The following EPCAM variants were observed in gnomAD, a reference collection of about 807,000 sequenced individuals.
EPCAM encodes epithelial cell adhesion molecule, also known as adenocarcinoma-associated antigen.
EPCAM carries 39 observed loss-of-function variants against 40.0 expected under a neutral mutation model. That is an observed-to-expected ratio of 0.98 (90% CI 0.76 to 1.27). The LOEUF (loss-of-function observed/expected upper bound fraction) is 1.27, where lower values mean the gene tolerates loss of function less well. Among genes scored for constraint, EPCAM ranks in the 50% most tolerant of loss-of-function variants. The pLI is 0.00. For synonymous variants in EPCAM, 168 were observed against 132.3 expected, an observed-to-expected ratio of 1.27 and a Z score of -1.85; for missense variants, 503 against 381.2, an observed-to-expected ratio of 1.32 and a Z score of -2.66.
rs1270650694 is a variant in EPCAM at position 47,374,030 on chromosome 2, C to G, written c.407C>G (p.Ser136Cys). Residue 136 changes from serine (S) to cysteine (C), a missense_variant, in exon 3 of 9, where the codon TCT becomes TGT. By Grantham distance (112) the Ser-to-Cys change is moderately radical. Coordinates refer to ENST00000263735, the MANE Select transcript of EPCAM (RefSeq NM_002354.3). ...GACAAGGACACTGAAATAACCTGCTCTGAGCGAGTGAGAACCTAGTGAGTG... is the reference window on the plus strand; with the variant it reads ...GACAAGGACACTGAAATAACCTGCTGTGAGCGAGTGAGAACCTAGTGAGTG... The part of the protein sequence containing the change: ...RTDKDTEITC[S>C]ERVRTYWIII... 15 of 1,614,192 alleles carry G rather than the reference C, an allele frequency of 9.3e-6. No homozygotes were observed. Among genetic ancestry groups the G allele is most frequent in the Non-Finnish European group, 1.2e-5 (14 of 1,180,038 alleles).
chr2:47,373,664 A>T (rs2103746391), intron 2 of EPCAM, 94 bp downstream of exon 2: 1 of 1,445,256 alleles, frequency 6.9e-7, no homozygotes, highest in South Asian at 1.2e-5. Context: ...TTATTGGCTT[A>T]AATCTGAATC....
At chr2:47,374,996 A>G (rs933489019) in intron 3 of EPCAM, among the ~76,000 whole-genome samples, 21 of 152,138 alleles carry the variant, frequency 1.4e-4, no homozygotes, top group African/African-American at 4.8e-4. Context: ...CTAAACTTTG[A>G]CTTAATGTGA....
At chr2:47,372,083 A>G (rs899427894) in intron 1 of EPCAM, among the ~76,000 whole-genome samples, 1 of 152,338 alleles carries the variant, frequency 6.6e-6, no homozygotes, top group Middle Eastern at 3.4e-3. Context: ...ACTGACATCA[A>G]TAATACAGAA....
chr2:47,375,596 A>G (rs1272877259), intron 4 of EPCAM, among the ~76,000 whole-genome samples: 1 of 152,160 alleles, frequency 6.6e-6, no homozygotes. Flanking sequence ...ACATGAGAGC[A>G]AGTTGTAGAC....
chr2:47,383,747 G>A (rs1179996361), intron 7 of EPCAM, among the ~76,000 whole-genome samples: 14 of 142,176 alleles, frequency 9.8e-5, no homozygotes, highest in African/African-American at 3.7e-4. Flanking sequence ...CCATTTTCTT[G>A]CCTCAGCTTC....
chr2:47,378,815 C>T (rs553667379), intron 5 of EPCAM, 138 bp from the exon 6 acceptor site: 4 of 604,404 alleles, frequency 6.6e-6, no homozygotes, highest in East Asian at 2.8e-5. Flanking sequence ...ACTTAGTTAT[C>T]CACTAATGGA....
rs368516172 is a variant in EPCAM at position 47,371,684 on chromosome 2, T to G, written c.77-1779T>G. Among the ~76,000 whole-genome samples, 3 of 152,330 alleles carry G rather than the reference T, an allele frequency of 2.0e-5. No individual in the cohort carries two copies. In the East Asian group the frequency reaches 5.8e-4, roughly 29 times the overall value. On this transcript the variant is annotated intron_variant, in intron 1 of 8. Transcript: ENST00000263735. The stretch of plus-strand genomic sequence containing the variant: ...GCACCTGACTGGTCTGATTTAAATT[T>G]TACGCCCCTTAGGTATGAACAGTGT...
At chr2:47,373,205 T>TAAAAAAAAA (rs777057814) in intron 1 of EPCAM, among the ~76,000 whole-genome samples, 8 of 65,048 alleles carry the variant, frequency 1.2e-4, no homozygotes, top group Non-Finnish European at 2.2e-4. Flanking sequence ...ACCCTATCTT[T>TAAAAAAAAA]AAAAAAAAAA....
In EPCAM at chr2:47,379,711, T is replaced by C. The variant is rs563702338; in HGVS notation, c.658-58T>C. The C allele has an allele frequency of 1.0e-4, 166 of 1,586,816 alleles. 3 individuals are homozygous for C. The South Asian group carries it at 1.5e-3, about 14-fold the overall frequency. ...GGCATACAATTTGTATGTAATTATA[T>C]GTGGCCATGGTTGGTTTCCTTAAAT... On this transcript the variant is annotated intron_variant, in intron 6 of 8. Transcript: ENST00000263735.
chr2:47,376,680 T>A (rs1334785869), intron 4 of EPCAM, among the ~76,000 whole-genome samples: 2 of 152,218 alleles, frequency 1.3e-5, no homozygotes, highest in African/African-American at 4.8e-5. Context: ...CTTGTCCCTT[T>A]ACTAGTAAAG....
In EPCAM at chr2:47,379,968, T is replaced by C. The variant is rs771029207; in HGVS notation, c.857T>C (p.Leu286Pro). Residue 286 changes from leucine to proline, a missense_variant and splice_region_variant, in exon 7 of 9, where the codon CTG becomes CCG. Leu to Pro is a moderately conservative substitution (Grantham distance 98). Coordinates refer to ENST00000263735, the MANE Select transcript of EPCAM (RefSeq NM_002354.3). Reference protein sequence around the residue: ...VIAVVAGIVVLVISRKKRMAK... With the variant: ...VIAVVAGIVVPVISRKKRMAK... ...GCAGTTGTTGCTGGAATTGTTGTGC[T>C]GGTGAGTACAGAACAAGTAAAATTT... 1 of 1,610,652 alleles carries C rather than the reference T, an allele frequency of 6.2e-7. No individual in the cohort carries two copies. The highest frequency in any genetic ancestry group is 1.1e-5 in the South Asian group (1 of 90,738).
At chr2:47,369,607 G>A (rs370806451) in intron 1 of EPCAM, 26 bp downstream of exon 1, 57 of 1,576,868 alleles carry the variant, frequency 3.6e-5, no homozygotes, top group Non-Finnish European at 4.8e-5. Flanking sequence ...GAGCAGAGTT[G>A]TGGAGCTGGG....
rs1671157213 is a variant in EPCAM, at chr2:47,369,467, G to A, written c.-39G>A. On this transcript the variant is annotated 5_prime_UTR_variant, in exon 1 of 9. Coordinates refer to ENST00000263735, the MANE Select transcript of EPCAM (RefSeq NM_002354.3). Reference sequence around the variant, plus strand: ...CGGCGCACGCCCTCCCGCGAGTCCCGGGCCCCTCCCGCGCCCCTCTTCTCG... The same window carrying A: ...CGGCGCACGCCCTCCCGCGAGTCCCAGGCCCCTCCCGCGCCCCTCTTCTCG... 2.1e-6 allele frequency: 3 copies of A among 1,450,048 alleles called. No homozygotes were observed. The highest frequency in any genetic ancestry group is 2.0e-5 in the African/African-American group (1 of 50,524). The allele number at this position is 1,450,048 out of a possible 1,614,324, so 89.8% of individuals were successfully genotyped here. A position where few individuals can be genotyped will look rare whatever the true frequency, so the allele number is the denominator to read the frequency against.
chr2:47,373,464 AT>A lies in EPCAM; in HGVS notation c.79del (p.Cys27ValfsTer10). On this transcript the variant is annotated frameshift_variant and splice_region_variant, in exon 2 of 9. Transcript: ENST00000263735. LOFTEE classifies it high-confidence loss of function. Reference protein sequence around the residue: ...TATFAAAQEECVCENYKLAVN... With the variant: ...TATFAAAQEEXVCENYKLAVN... The stretch of plus-strand genomic sequence containing the variant: ...TAGATTTTTTTTTTAATTTTCTAGA[AT>A]GTGTCTGTGAAAACTACAAGCTGGC... The A allele has an allele frequency of 6.2e-7, 1 of 1,601,196 alleles. No individual in the cohort carries two copies. The highest frequency in any genetic ancestry group is 8.6e-7 in the Non-Finnish European group (1 of 1,169,116).
chr2:47,376,521 A>G (rs11695550), intron 4 of EPCAM, among the ~76,000 whole-genome samples: 32,902 of 152,056 alleles, frequency 0.22, 4,004 homozygotes, highest in East Asian at 0.41. Flanking sequence ...CAGCATCCCA[A>G]AGTGCTGGGA....
At position 47,385,131 on chromosome 2, in the gene EPCAM, A is replaced by C. The variant is rs550609947; in HGVS notation, c.859-35A>C. The C allele has an allele frequency of 6.5e-6, 10 of 1,527,222 alleles. No individual in the cohort carries two copies. In the African/African-American group the frequency reaches 1.4e-4, roughly 21 times the overall value. The allele number at this position is 1,527,222 out of a possible 1,614,324, so 94.6% of individuals were successfully genotyped here. ...TTTAGATAATCTTTTTTTGAATAGC[A>C]GTCCTAAAACAATAGTTGTCTTTCT... On this transcript the variant is annotated intron_variant, in intron 7 of 8. Transcript: ENST00000263735.
rs751301363 is a variant in EPCAM, at chr2:47,373,438, G to A, written c.77-25G>A. On this transcript the variant is annotated intron_variant, in intron 1 of 8. Coordinates refer to ENST00000263735, the MANE Select transcript of EPCAM (RefSeq NM_002354.3). ...AGAGTTAATAGATCCACATTTTAAA[G>A]TAGATTTTTTTTTTAATTTTCTAGA... 1.5e-5 allele frequency: 21 copies of A among 1,445,768 alleles called. No individual in the cohort carries two copies. The African/African-American group carries it at 2.7e-4, about 18-fold the overall frequency. 89.6% of individuals were successfully genotyped at this position (1,445,768 alleles called of 1,614,324 possible). A position where few individuals can be genotyped will look rare whatever the true frequency, so the allele number is the denominator to read the frequency against.
chr2:47,373,904 T>A lies in EPCAM; in HGVS notation c.281T>A (p.Leu94His), dbSNP rs1558435248. Residue 94 changes from leucine to histidine, a missense_variant, in exon 3 of 9, where the codon CTT becomes CAT. Transcript: ENST00000263735. ...GGGGCCCTCCAGAACAATGATGGGC[T>A]TTATGATCCTGACTGCGATGAGAGC... ...PEGALQNNDG[L>H]YDPDCDESGL... 6.2e-7 allele frequency: 1 copy of A among 1,614,140 alleles called. No individual in the cohort carries two copies. The highest frequency in any genetic ancestry group is 8.5e-7 in the Non-Finnish European group (1 of 1,180,028).
chr2:47,384,020 A>G (rs1011431162), intron 7 of EPCAM, among the ~76,000 whole-genome samples: 9 of 150,820 alleles, frequency 6.0e-5, no homozygotes, highest in African/African-American at 2.2e-4. Context: ...TGGATCCAGC[A>G]TTGTTTTTGA....
Sources: gnomAD v4.1 joint callset for allele counts (sites outside exome capture counted in the v4.1 genomes callset) on GRCh38, gnomAD v4.1.1 for gene constraint, MANE v1.5 for transcripts, NCBI Gene and HGNC (gene_info 2026-07-23, HGNC 2026-07-21) for gene names.